Variants in PPP2R5C observed in about 807,000 individuals in gnomAD.
PPP2R5C encodes protein phosphatase 2 regulatory subunit B'gamma, also known as serine/threonine-protein phosphatase 2A 56 kDa regulatory subunit gamma isoform.
PPP2R5C carries 7 observed loss-of-function variants against 68.9 expected under a neutral mutation model. The observed-to-expected ratio is 0.10, with a 90% CI of 0.06 to 0.19. PPP2R5C has a LOEUF of 0.19. Among genes scored for constraint, PPP2R5C ranks in the 10% least tolerant of loss-of-function variants. The pLI is 1.00. For synonymous variants in PPP2R5C, 210 were observed against 222.2 expected, an observed-to-expected ratio of 0.95 and a Z score of 0.49; for missense variants, 348 against 641.3, an observed-to-expected ratio of 0.54 and a Z score of 4.94.
At chr14:101,881,205 A>G (rs895526411) in intron 2 of PPP2R5C, among the ~76,000 whole-genome samples, 3 of 152,116 alleles carry the variant, frequency 2.0e-5, no homozygotes, top group South Asian at 4.1e-4. Context: ...CCTGGCCAAC[A>G]TGGTGAAACC....
intron 1 of PPP2R5C, chr14:101,819,963 G>A (rs67946231): frequency 0.19 from 28,892 of 152,156 alleles, 3,112 homozygotes; most frequent in African/African-American, 0.29. Flanking sequence ...GAGTTCACAT[G>A]AAGCCGTTCT....
chr14:101,778,373 T>G (rs2037521725), intron 2 of PPP2R5C, among the ~76,000 whole-genome samples: 2 of 152,238 alleles, frequency 1.3e-5, no homozygotes, highest in Admixed American at 6.5e-5. Flanking sequence ...TTCACTTTCT[T>G]GATAGTATCC....
chr14:101,802,368 C>T (rs1368713271), intron 3 of PPP2R5C, among the ~76,000 whole-genome samples: 2 of 151,992 alleles, frequency 1.3e-5, no homozygotes, highest in African/African-American at 2.4e-5. Context: ...GCCAAGATCG[C>T]GCCACTGCAC....
chr14:101,903,253 G>A (rs2045814614), intron 9 of PPP2R5C, among the ~76,000 whole-genome samples: 1 of 152,150 alleles, frequency 6.6e-6, no homozygotes, highest in Non-Finnish European at 1.5e-5. Flanking sequence ...ATCGCTATGG[G>A]TAACGTTAGA....
intron 8 of PPP2R5C, among the ~76,000 whole-genome samples, chr14:101,900,539 G>A (rs1047494355): frequency 6.6e-6 from 1 of 152,208 alleles, no homozygotes. Flanking sequence ...AATTCAGTGT[G>A]TAAGCACATA....
At chr14:101,910,881 T>C (rs950194517) in intron 11 of PPP2R5C, among the ~76,000 whole-genome samples, 1 of 151,642 alleles carries the variant, frequency 6.6e-6, no homozygotes, top group Non-Finnish European at 1.5e-5. Flanking sequence ...AGCAGGCAGA[T>C]CACCTGAGGT....
At chr14:101,914,408 T>C in intron 12 of PPP2R5C, 1 of 264,268 alleles carries the variant, frequency 3.8e-6, no homozygotes. Context: ...AGAAAATATC[T>C]AAATTCTGAT....
At chr14:101,924,443 A>ATTTTTTTTTTTTT (rs2047175999) in intron 13 of PPP2R5C, among the ~76,000 whole-genome samples, 2 of 56,856 alleles carry the variant, frequency 3.5e-5, no homozygotes, top group Admixed American at 3.1e-4. Flanking sequence ...AAATTTCTAC[A>ATTTTTTTTTTTTT]TCTTTTTTTT....
exon 14 of PPP2R5C, chr14:101,925,486 G>T: frequency 1.3e-6 from 1 of 766,160 alleles, no homozygotes; most frequent in Non-Finnish European, 1.9e-6. Flanking sequence ...GTTGACGACG[G>T]TGTCCTCGCA....
intron 10 of PPP2R5C, among the ~76,000 whole-genome samples, chr14:101,909,099 C>T (rs1007028479): frequency 4.6e-5 from 7 of 152,164 alleles, no homozygotes; most frequent in East Asian, 1.9e-4. Context: ...CCTCTCCATG[C>T]GTGTCAGAGC....
chr14:101,823,827 A>G, intron 1 of PPP2R5C: 1 of 1,190,516 alleles, frequency 8.4e-7, no homozygotes, highest in South Asian at 1.5e-5. Flanking sequence ...TCTACACGGT[A>G]CTTTCTGCTC....
intron 1 of PPP2R5C, among the ~76,000 whole-genome samples, chr14:101,814,765 A>G (rs2039560191): frequency 6.6e-6 from 1 of 152,266 alleles, no homozygotes; most frequent in Non-Finnish European, 1.5e-5. Context: ...GGTTTGGGAT[A>G]CATCCTAACT....
rs551539263 is a variant in PPP2R5C, at chr14:101,816,884, TA to T, written c.94+6849del. ...TATATATTTATTTATATATATATTA[TA>T]TATATATTATATAAATATATATATA... On this transcript the variant is annotated intron_variant, in intron 1 of 13. Coordinates refer to ENST00000334743, the Ensembl canonical transcript of PPP2R5C. Among the ~76,000 whole-genome samples, 1,074 of 129,504 alleles carry T rather than the reference TA, an allele frequency of 8.3e-3. 16 individuals are homozygous for T. Among genetic ancestry groups the T allele is most frequent in the African/African-American group, 0.033 (1,003 of 30,834 alleles). The allele number at this position is 129,504 out of a possible 152,430, so 85.0% of individuals were successfully genotyped here.
At chr14:101,875,063 T>C (rs745465112) in intron 2 of PPP2R5C, among the ~76,000 whole-genome samples, 54 of 152,248 alleles carry the variant, frequency 3.5e-4, no homozygotes, top group Non-Finnish European at 8.8e-5. Context: ...TTCCATATCT[T>C]TAACTGCTAT....
At chr14:101,914,857 C>T (rs572924241) in intron 12 of PPP2R5C, among the ~76,000 whole-genome samples, 1 of 152,300 alleles carries the variant, frequency 6.6e-6, no homozygotes, top group Non-Finnish European at 1.5e-5. Flanking sequence ...TATTTTACTA[C>T]TCACTTCCCC....
chr14:101,897,667 C>G (rs747059777), intron 8 of PPP2R5C, among the ~76,000 whole-genome samples: 3 of 152,098 alleles, frequency 2.0e-5, no homozygotes, highest in Non-Finnish European at 2.9e-5. Flanking sequence ...AAGGGTGGGT[C>G]TGCCTTTCCT....
chr14:101,904,852 A>G (rs2045933105), intron 9 of PPP2R5C, among the ~76,000 whole-genome samples: 1 of 152,264 alleles, frequency 6.6e-6, no homozygotes, highest in Non-Finnish European at 1.5e-5. Flanking sequence ...TCCCAGAGGC[A>G]TACATGCTGT....
upstream of PPP2R5C, among the ~76,000 whole-genome samples, chr14:101,761,585 G>A (rs1277604115): frequency 8.6e-5 from 12 of 140,002 alleles, no homozygotes; most frequent in Non-Finnish European, 1.6e-4. Flanking sequence ...GGCCGGGCGC[G>A]GGGGTGGGGC....
At chr14:101,842,347 T>A (rs565140455) in intron 1 of PPP2R5C, among the ~76,000 whole-genome samples, 1 of 152,198 alleles carries the variant, frequency 6.6e-6, no homozygotes, top group East Asian at 1.9e-4. Context: ...AAGTCCCCAC[T>A]GAAACAGGAG....
Sources: gnomAD v4.1 joint callset for allele counts (sites outside exome capture counted in the v4.1 genomes callset) on GRCh38, gnomAD v4.1.1 for gene constraint, MANE v1.5 for transcripts, NCBI Gene and HGNC (gene_info 2026-07-23, HGNC 2026-07-21) for gene names.